FMN2: variants seen among roughly 807,000 people sequenced by gnomAD.
FMN2 encodes the protein formin-2.
In FMN2, 51 loss-of-function variants were observed where a neutral mutation model predicts 142.3. The observed-to-expected ratio is 0.36, with a 90% CI of 0.29 to 0.45. The LOEUF (loss-of-function observed/expected upper bound fraction) is 0.45. FMN2 is among the 20% of genes least tolerant of loss of function. FMN2 has a pLI of 1.00. For synonymous variants in FMN2, 882 were observed against 869.8 expected (o/e 1.01, Z -0.25); for missense variants, 1,936 against 2,122.8 (o/e 0.91, Z 1.73).
chr1:240,242,347 G>C (rs565911447), intron 6 of FMN2, among the ~76,000 whole-genome samples: 85 of 152,290 alleles, frequency 5.6e-4, no homozygotes, highest in African/African-American at 3.4e-4. Context: ...CAATGGAGAA[G>C]TCAGATGGAC....
At chr1:240,359,534 C>G (rs1019857065) in intron 14 of FMN2, among the ~76,000 whole-genome samples, 2 of 152,102 alleles carry the variant, frequency 1.3e-5, no homozygotes. Context: ...GTGGTCCACA[C>G]TCTAAGAGTC....
At chr1:240,284,680 G>A (rs1215325810) in intron 7 of FMN2, among the ~76,000 whole-genome samples, 1 of 152,168 alleles carries the variant, frequency 6.6e-6, no homozygotes. Context: ...GAAAGGCAGA[G>A]AAACTTTCTA....
chr1:240,361,927 T>A (rs1372558819), intron 14 of FMN2, among the ~76,000 whole-genome samples: 1 of 152,192 alleles, frequency 6.6e-6, no homozygotes, highest in Non-Finnish European at 1.5e-5. Flanking sequence ...AATTGGCAGA[T>A]GAATTTGTTA....
At chr1:240,195,940 C>A (rs2103362026) in intron 4 of FMN2, among the ~76,000 whole-genome samples, 1 of 152,232 alleles carries the variant, frequency 6.6e-6, no homozygotes, top group East Asian at 1.9e-4. Context: ...CCCAGGAGGT[C>A]AAGGCTGCAG....
rs1471697427 is a variant in FMN2 at position 240,459,717 on chromosome 1, T to TTAAAAAAAAAAAAA, written c.5061-12655_5061-12654insTAAAAAAAAAAAAA. ...GGGTGACAGAACAAGACTCTGTCTCTAAAAAAAAAAAAAAAAAAAAAAAAA... is the reference window on the plus strand; with the variant it reads ...GGGTGACAGAACAAGACTCTGTCTCTTAAAAAAAAAAAAAAAAAAAAAAAAAAAAAAAAAAAAAA... On this transcript the variant is annotated intron_variant, in intron 16 of 17. Coordinates refer to ENST00000319653, the MANE Select transcript of FMN2 (RefSeq NM_020066.5). Among the ~76,000 whole-genome samples the TTAAAAAAAAAAAAA allele has an allele frequency of 3.6e-4, 24 of 67,128 alleles. 1 individual carries two copies. Among genetic ancestry groups the TTAAAAAAAAAAAAA allele is most frequent in the African/African-American group, 1.2e-3 (24 of 19,484 alleles). The allele number at this position is 67,128 out of a possible 152,430, so 44.0% of individuals were successfully genotyped here.
intron 16 of FMN2, among the ~76,000 whole-genome samples, chr1:240,441,664 G>C (rs966727463): frequency 7.2e-6 from 1 of 138,914 alleles, no homozygotes; most frequent in African/African-American, 2.8e-5. Flanking sequence ...ATCTGGATTA[G>C]TGTCCTCATA....
Position 240,427,171 on chromosome 1 carries a change from T to TTTTATATATATATATATATATATATA in FMN2, c.4911-10889_4911-10888insTTATATATATATATATATATATATAT, listed in dbSNP as rs1222415126. On this transcript the variant is annotated intron_variant, in intron 15 of 17. Transcript: ENST00000319653. ...TAGTTCATGTATGTTACAACTGATTTTATATATATATATATATATATGGTT... is the reference window on the plus strand; with the variant it reads ...TAGTTCATGTATGTTACAACTGATTTTTTATATATATATATATATATATATATATATATATATATATATATATGGTT... Among the ~76,000 whole-genome samples the TTTTATATATATATATATATATATATA allele has an allele frequency of 1.9e-3, 262 of 136,824 alleles. 7 individuals carry two copies. Among genetic ancestry groups the TTTTATATATATATATATATATATATA allele is most frequent in the African/African-American group, 8.1e-3 (250 of 31,000 alleles). The allele number at this position is 136,824 out of a possible 152,430, so 89.8% of individuals were successfully genotyped here. A position where few individuals can be genotyped will look rare whatever the true frequency, so the allele number is the denominator to read the frequency against.
At position 240,348,524 on chromosome 1, in the gene FMN2, ATTT is replaced by A. The variant is rs35008419; in HGVS notation, c.4766-7278_4766-7276del. 7.5e-3 allele frequency among the ~76,000 whole-genome samples: 1,084 copies of A among 144,046 alleles called. 5 individuals carry two copies. The highest frequency in any genetic ancestry group is 0.018 in the Middle Eastern group (5 of 276). The allele number at this position is 144,046 out of a possible 152,430, so 94.5% of individuals were successfully genotyped here. ...AGGCATGAGCCACCGCGCCCAGCCT[ATTT>A]TTTTTTTTTTTTTGACTTTTTAAGA... On this transcript the variant is annotated intron_variant, in intron 13 of 17. Transcript: ENST00000319653.
intron 16 of FMN2, among the ~76,000 whole-genome samples, chr1:240,446,904 T>C (rs1172852657): frequency 6.6e-6 from 1 of 152,166 alleles, no homozygotes; most frequent in African/African-American, 2.4e-5. Flanking sequence ...GGATTTCAGC[T>C]TCACACACTA....
intron 1 of FMN2, among the ~76,000 whole-genome samples, chr1:240,103,268 A>T (rs1661477402): frequency 6.6e-6 from 1 of 152,232 alleles, no homozygotes; most frequent in Admixed American, 6.5e-5. Context: ...AAAGCTAGGC[A>T]TGTGGCTTTA....
At chr1:240,170,163 C>A (rs927100915) in intron 2 of FMN2, 1 of 903,972 alleles carries the variant, frequency 1.1e-6, no homozygotes, top group Non-Finnish European at 1.8e-6. Context: ...GACCAGAACC[C>A]GTGGACATGG....
intron 8 of FMN2, among the ~76,000 whole-genome samples, chr1:240,303,546 T>A (rs897450148): frequency 3.3e-5 from 5 of 152,200 alleles, no homozygotes; most frequent in African/African-American, 4.8e-5. Context: ...TGAGCATTTC[T>A]TGTGTGTGAC....
At chr1:240,442,701 T>A (rs1051836307) in intron 16 of FMN2, among the ~76,000 whole-genome samples, 2 of 152,228 alleles carry the variant, frequency 1.3e-5, no homozygotes, top group Non-Finnish European at 2.9e-5. Context: ...CTAATTTGCG[T>A]CTGATTACAG....
chr1:240,124,367 A>T (rs1212110125), intron 2 of FMN2, among the ~76,000 whole-genome samples: 2 of 152,172 alleles, frequency 1.3e-5, no homozygotes, highest in African/African-American at 2.4e-5. Context: ...TGAAGTACGG[A>T]CGTGAAGCAG....
rs543203205 is a variant in FMN2 at position 240,126,379 on chromosome 1, G to T, written c.1782+3034G>T. ...CTTCCTACCTACCCCCCCCCACTTT[G>T]TTCCCTTCCCTGATGGGTTCCTCTC... On this transcript the variant is annotated intron_variant, in intron 2 of 17. Coordinates refer to ENST00000319653, the MANE Select transcript of FMN2 (RefSeq NM_020066.5). Among the ~76,000 whole-genome samples, 375 of 132,198 alleles carry T rather than the reference G, an allele frequency of 2.8e-3. 2 individuals carry two copies. Among genetic ancestry groups the T allele is most frequent in the African/African-American group, 0.011 (364 of 32,972 alleles). 86.7% of individuals were successfully genotyped at this position (132,198 alleles called of 152,430 possible).
intron 1 of FMN2, among the ~76,000 whole-genome samples, chr1:240,113,606 A>G (rs994749979): frequency 6.6e-6 from 1 of 151,160 alleles, no homozygotes; most frequent in Non-Finnish European, 1.5e-5. Flanking sequence ...GCTTCAGGGC[A>G]GTCCATTCTC....
intron 14 of FMN2, among the ~76,000 whole-genome samples, chr1:240,380,057 T>C (rs749257666): frequency 2.0e-5 from 3 of 152,042 alleles, no homozygotes; most frequent in Non-Finnish European, 4.4e-5. Context: ...CAATACACCA[T>C]TGGCAACATT....
At chr1:240,396,626 C>A (rs933000146) in intron 15 of FMN2, among the ~76,000 whole-genome samples, 5 of 152,002 alleles carry the variant, frequency 3.3e-5, no homozygotes, top group Non-Finnish European at 7.4e-5. Flanking sequence ...TGTTGAGTAG[C>A]CCCAGTGTCT....
chr1:240,337,512 T>C (rs2103024683), intron 13 of FMN2, among the ~76,000 whole-genome samples: 1 of 152,346 alleles, frequency 6.6e-6, no homozygotes, highest in East Asian at 1.9e-4. Flanking sequence ...TATGGCCACA[T>C]TTTGTTTCCC....
Sources: gnomAD v4.1 joint callset for allele counts (sites outside exome capture counted in the v4.1 genomes callset) on GRCh38, gnomAD v4.1.1 for gene constraint, MANE v1.5 for transcripts, NCBI Gene and HGNC (gene_info 2026-07-23, HGNC 2026-07-21) for gene names.